Variants in ZNF292 observed in about 807,000 individuals in gnomAD.
ZNF292 encodes 16 zinc-finger domain protein.
A neutral mutation model predicts 217.9 loss-of-function variants in ZNF292; 26 were observed. The observed-to-expected ratio is 0.12, with a 90% confidence interval of 0.09 to 0.17. The LOEUF (loss-of-function observed/expected upper bound fraction) is 0.17. Among genes scored for constraint, ZNF292 ranks in the 10% least tolerant of loss-of-function variants. The pLI is 1.00. For missense variants in ZNF292, 2,904 were observed against 3,175.2 expected, an observed-to-expected ratio of 0.91 and a Z score of 2.05; for synonymous variants, 1,257 against 1,124.1, an observed-to-expected ratio of 1.12 and a Z score of -2.37.
intron 1 of ZNF292, among the ~76,000 whole-genome samples, chr6:87,195,347 A>T (rs1771925569): frequency 6.6e-6 from 1 of 152,256 alleles, no homozygotes; most frequent in South Asian, 2.1e-4. Context: ...TTGGGAAATT[A>T]GTATATAACA....
intron 5 of ZNF292, among the ~76,000 whole-genome samples, chr6:87,241,226 G>A (rs1389542884): frequency 6.6e-6 from 1 of 152,168 alleles, no homozygotes; most frequent in African/African-American, 2.4e-5. Context: ...GGAGGTTGCA[G>A]TGAGCTGAGA....
intron 5 of ZNF292, among the ~76,000 whole-genome samples, chr6:87,237,085 T>C (rs1200110958): frequency 6.6e-6 from 1 of 152,202 alleles, no homozygotes; most frequent in Non-Finnish European, 1.5e-5. Context: ...GTGTGAAATA[T>C]CTTCTTAGAG....
chr6:87,250,321 C>CAGGA, intron 7 of ZNF292, among the ~76,000 whole-genome samples: 1 of 151,260 alleles, frequency 6.6e-6, no homozygotes, highest in East Asian at 1.9e-4. Flanking sequence ...CCCAGCTACT[C>CAGGA]AGGAGGCTGA....
chr6:87,203,774 A>G (rs1242121887), intron 1 of ZNF292, among the ~76,000 whole-genome samples: 3 of 151,978 alleles, frequency 2.0e-5, no homozygotes, highest in Admixed American at 6.6e-5. Flanking sequence ...TTAGGCATCC[A>G]TGGGTGGGGA....
chr6:87,159,758 C>T (rs749740105), intron 1 of ZNF292, among the ~76,000 whole-genome samples: 38 of 152,048 alleles, frequency 2.5e-4, no homozygotes, highest in Non-Finnish European at 5.1e-4. Context: ...GGATTACAGG[C>T]GTGAGCCACC....
At chr6:87,225,726 T>A (rs1373148178) in intron 4 of ZNF292, among the ~76,000 whole-genome samples, 1 of 152,234 alleles carries the variant, frequency 6.6e-6, no homozygotes, top group Non-Finnish European at 1.5e-5. Context: ...TTTTGAAAAT[T>A]ACATTTTGCC....
Position 87,203,729 on chromosome 6 carries a change from C to T in ZNF292, c.169-12174C>T, listed in dbSNP as rs568029694. On this transcript the variant is annotated intron_variant, in intron 1 of 7. Transcript: ENST00000369577. The stretch of plus-strand genomic sequence containing the variant: ...CACCATAGGGAGGTGACTGGGGTGG[C>T]TGTGTGTGGGGATTTAGGGCCCAGG... Among the ~76,000 whole-genome samples, 8 of 151,848 alleles carry T rather than the reference C, an allele frequency of 5.3e-5. No homozygotes were observed. In the South Asian group the frequency reaches 1.7e-3, roughly 32 times the overall value.
chr6:87,223,044 T>C (rs1310554522), intron 4 of ZNF292: 3 of 199,930 alleles, frequency 1.5e-5, no homozygotes, highest in East Asian at 1.1e-4. Flanking sequence ...ACATGACTTA[T>C]CACTGTTTTG....
At chr6:87,167,268 T>A (rs1467863935) in intron 1 of ZNF292, among the ~76,000 whole-genome samples, 1 of 152,218 alleles carries the variant, frequency 6.6e-6, no homozygotes, top group Non-Finnish European at 1.5e-5. Context: ...TTGCAAAAGT[T>A]AAACTTCTGA....
chr6:87,205,460 T>C (rs1448491243), intron 1 of ZNF292, among the ~76,000 whole-genome samples: 1 of 152,104 alleles, frequency 6.6e-6, no homozygotes, highest in Non-Finnish European at 1.5e-5. Context: ...TAAAGGACTA[T>C]TTTTTTCTAT....
intron 1 of ZNF292, among the ~76,000 whole-genome samples, chr6:87,207,679 A>G (rs1461892043): frequency 6.6e-6 from 1 of 152,128 alleles, no homozygotes; most frequent in Non-Finnish European, 1.5e-5. Context: ...GACGTAAATT[A>G]TTGTATTTTT....
Position 87,260,248 on chromosome 6 carries a change from A to T in ZNF292, c.6619A>T (p.Met2207Leu), listed in dbSNP as rs1467991299. The change falls in exon 8 of 8, where the codon ATG becomes TTG. Residue 2207 changes from methionine to leucine, a missense_variant. Around this residue, in one of 15 missense-constraint regions of ZNF292, gnomAD observed 261 missense variants for 272.8 expected, o/e 0.96. Coordinates refer to ENST00000369577, the MANE Select transcript of ZNF292 (RefSeq NM_015021.3). ...HEMTPEEIES[M>L]TASVDVGKFP... ...AATGACTCCTGAAGAAATTGAAAGTATGACTGCTTCAGTGGATGTTGGGAA... is the reference window on the plus strand; with the variant it reads ...AATGACTCCTGAAGAAATTGAAAGTTTGACTGCTTCAGTGGATGTTGGGAA... 1 of 1,613,642 alleles carries T rather than the reference A, an allele frequency of 6.2e-7. No individual in the cohort carries two copies. The highest frequency in any genetic ancestry group is 8.5e-7 in the Non-Finnish European group (1 of 1,179,612).
chr6:87,256,860 G>C lies in ZNF292; in HGVS notation c.3231G>C (p.Gln1077His), dbSNP rs370238125. The change falls in exon 8 of 8, where the codon CAG becomes CAC. Residue 1077 changes from glutamine to histidine, a missense_variant. Physicochemically the swap from Gln to His is conservative, Grantham distance 24 (BLOSUM62 0). Around this residue, in one of 15 missense-constraint regions of ZNF292, gnomAD observed 687 missense variants for 623.0 expected, o/e 1.10. Transcript: ENST00000369577. ...AAAGTATTGCATTTGTTCCACCGCA[G>C]TCCGACCTAAGTAATTCATTAGGAA... ...TLESIAFVPP[Q>H]SDLSNSLGTP... 1.2e-6 allele frequency: 2 copies of C among 1,613,654 alleles called. No individual in the cohort carries two copies. The highest frequency in any genetic ancestry group is 2.7e-5 in the African/African-American group (2 of 74,868).
intron 5 of ZNF292, among the ~76,000 whole-genome samples, chr6:87,239,868 C>T (rs1774165353): frequency 6.7e-6 from 1 of 149,488 alleles, no homozygotes; most frequent in South Asian, 2.1e-4. Flanking sequence ...ACTTCCCAGA[C>T]TGGGCAGCCG....
intron 1 of ZNF292, among the ~76,000 whole-genome samples, chr6:87,176,832 G>A (rs1392784139): frequency 1.3e-5 from 2 of 152,102 alleles, no homozygotes; most frequent in Non-Finnish European, 2.9e-5. Flanking sequence ...TATTTTTATA[G>A]ACTTTTAGCC....
intron 4 of ZNF292, among the ~76,000 whole-genome samples, chr6:87,231,021 CAA>C (rs765793513): frequency 1.3e-5 from 2 of 151,814 alleles, no homozygotes; most frequent in African/African-American, 2.4e-5. Context: ...CTAAGCTACT[CAA>C]AGATAAGTCT....
rs750144747 is a variant in ZNF292, at chr6:87,260,834, A to G, written c.7205A>G (p.Asn2402Ser). The G allele has an allele frequency of 1.2e-6, 2 of 1,611,990 alleles. No homozygotes were observed. The highest frequency in any genetic ancestry group is 1.7e-6 in the Non-Finnish European group (2 of 1,178,840). Residue 2402 changes from asparagine (N) to serine (S), a missense_variant, in exon 8 of 8, where the codon AAT becomes AGT. Asn to Ser is a conservative substitution (Grantham distance 46). This residue lies in a region of ZNF292 where 27 missense variants were observed against 52.3 expected (regional missense o/e 0.52). Coordinates refer to ENST00000369577, the MANE Select transcript of ZNF292 (RefSeq NM_015021.3). ...GCTSVVTSES[N>S]IIRHYKCHKL... ...ACTTCAGTTGTTACAAGTGAAAGCA[A>G]TATAATTAGACATTATAAGTGCCAT...
At chr6:87,193,988 A>T (rs936273710) in intron 1 of ZNF292, among the ~76,000 whole-genome samples, 1 of 152,216 alleles carries the variant, frequency 6.6e-6, no homozygotes, top group Non-Finnish European at 1.5e-5. Context: ...AACATCTTAA[A>T]GGTCTAATGG....
chr6:87,259,452 A>G lies in ZNF292; in HGVS notation c.5823A>G (p.Gln1941=), dbSNP rs146654070. 635 of 1,591,148 alleles carry G rather than the reference A, an allele frequency of 4.0e-4. 1 individual carries two copies. In the African/African-American group the frequency reaches 7.5e-3, roughly 19 times the overall value. Residue 1941 remains glutamine (Q), a synonymous_variant, in exon 8 of 8, where the codon CAA becomes CAG. Transcript: ENST00000369577. ...PEMILEIKKN[Q]LKFAPFKCVV... is the part of the protein sequence containing the mutation. ...TGATTCTTGAAATTAAGAAGAATCA[A>G]TTGAAATTTGCTCCCTTTAAATGTG...
Sources: gnomAD v4.1 joint callset for allele counts (sites outside exome capture counted in the v4.1 genomes callset) on GRCh38, gnomAD v4.1.1 for gene constraint, gnomAD v4.1.1 regional missense constraint, MANE v1.5 for transcripts, NCBI Gene and HGNC (gene_info 2026-07-23, HGNC 2026-07-21) for gene names.